SLC6A6: variants seen among roughly 807,000 people sequenced by gnomAD.
SLC6A6 encodes the protein solute carrier family 6 member 6, also known as sodium- and chloride-dependent taurine transporter.
Under a neutral mutation model 68.8 loss-of-function variants are expected in SLC6A6, and 16 were observed. The ratio of observed to expected loss-of-function variants is 0.23; its 90% CI spans 0.16 to 0.35. SLC6A6 has a LOEUF of 0.35. SLC6A6 is among the 10% of genes least tolerant of loss of function. SLC6A6 has a pLI of 1.00. For synonymous variants in SLC6A6, 312 were observed against 315.4 expected, an observed-to-expected ratio of 0.99 and a Z score of 0.12; for missense variants, 474 against 802.8, an observed-to-expected ratio of 0.59 and a Z score of 4.95.
At position 14,485,227 on chromosome 3, in the gene SLC6A6, GAA is replaced by G; in HGVS notation, c.*223_*224del. On this transcript the variant is annotated 3_prime_UTR_variant, in exon 15 of 15. Transcript: ENST00000622186. ...ATTTGGGGGATATTTTGTACAAAAA[GAA>G]AACCCACGGGAAGATGTCCGTGGAG... is the stretch of plus-strand genomic sequence containing the variant. 1 of 394,582 alleles carries G rather than the reference GAA, an allele frequency of 2.5e-6. No individual in the cohort carries two copies. Among genetic ancestry groups the G allele is most frequent in the Non-Finnish European group, 4.5e-6 (1 of 222,262 alleles). 24.4% of individuals were successfully genotyped at this position (394,582 alleles called of 1,614,324 possible).
intron 2 of SLC6A6, among the ~76,000 whole-genome samples, chr3:14,422,266 C>T (rs917561004): frequency 1.3e-5 from 2 of 152,246 alleles, no homozygotes; most frequent in Admixed American, 6.5e-5. Flanking sequence ...CCCAAATGCC[C>T]GCAGGGACCC....
rs761230581 is a variant in SLC6A6 at position 14,457,934 on chromosome 3, CTG to C, written c.600-12_600-11del. 162 of 1,613,774 alleles carry C rather than the reference CTG, an allele frequency of 1.0e-4. No homozygotes were observed. The highest frequency in any genetic ancestry group is 1.3e-4 in the Non-Finnish European group (156 of 1,179,944). On this transcript the variant is annotated splice_polypyrimidine_tract_variant and intron_variant, in intron 5 of 14. Transcript: ENST00000622186. ...CCAGGCCCCTCACTGACTCCTGGCT[CTG>C]TGTTTGCTTCAAGGCGCAACGTGCT...
At position 14,465,302 on chromosome 3, in the gene SLC6A6, C is replaced by T. The variant is rs867276997; in HGVS notation, c.733-1214C>T. Among the ~76,000 whole-genome samples the T allele has an allele frequency of 2.0e-5, 3 of 152,348 alleles. 1 individual carries two copies. The highest frequency in any genetic ancestry group is 6.5e-5 in the Admixed American group (1 of 15,310). ...AGGAGATGGCCACATCGTTTCTAGT[C>T]CCCACCTCACACCTGATCTTGGCCT... On this transcript the variant is annotated intron_variant, in intron 6 of 14. Transcript: ENST00000622186.
chr3:14,433,083 AGTGCTGTGAAGGTGGGACG>A (rs1699765890), intron 2 of SLC6A6, among the ~76,000 whole-genome samples: 3 of 8,400 alleles, frequency 3.6e-4, no homozygotes, highest in African/African-American at 1.6e-3. Flanking sequence ...TCTAGTCGTT[AGTGCTGTGAAGGTGGGACG>A]TTAGTGCTGT....
chr3:14,479,048 C>A, intron 12 of SLC6A6, 37 bp from the exon 13 acceptor site: 1 of 1,401,410 alleles, frequency 7.1e-7, no homozygotes. Flanking sequence ...TGGCCTTGAA[C>A]GCTGTGTCAG....
rs1700672448 is a variant in SLC6A6, at chr3:14,468,396, C to T, written c.1096+184C>T. Among the ~76,000 whole-genome samples the T allele has an allele frequency of 1.6e-5, 1 of 62,344 alleles. No individual in the cohort carries two copies. Among genetic ancestry groups the T allele is most frequent in the African/African-American group, 7.4e-5 (1 of 13,528 alleles). 40.9% of individuals were successfully genotyped at this position (62,344 alleles called of 152,430 possible). ...AAAGAGTACAAAGCCAAATTTTAAA[C>T]ATTTGTATTGCAATTTGGCCCTGAT... is the stretch of plus-strand genomic sequence containing the variant. On this transcript the variant is annotated intron_variant, in intron 9 of 14. Transcript: ENST00000622186. This position sits in a 1 kb window ranked among gnomAD's most constrained non-coding sequence, Gnocchi z 4.5.
At chr3:14,465,337 A>G (rs1404811973) in intron 6 of SLC6A6, among the ~76,000 whole-genome samples, 1 of 152,214 alleles carries the variant, frequency 6.6e-6, no homozygotes, top group Non-Finnish European at 1.5e-5. Context: ...TGTCTGGAAC[A>G]TGCAGTGTGA....
rs561969773 is a variant in SLC6A6, at chr3:14,447,260, C to G, written c.365-322C>G. Among the ~76,000 whole-genome samples, 15 of 152,038 alleles carry G rather than the reference C, an allele frequency of 9.9e-5. No individual in the cohort carries two copies. The South Asian group carries it at 2.9e-3, about 30-fold the overall frequency. ...TCCATCCATCCATCCATCCATCCAT[C>G]CATCCAAACATCCAACCATCCAACC... On this transcript the variant is annotated intron_variant, in intron 4 of 14. Transcript: ENST00000622186.
rs564786357 is a variant in SLC6A6, at chr3:14,442,594, G to A, written c.-11-1030G>A. ...AGACGGCCACACTGGGTGTGACTGT[G>A]GCCCTCAGGGTCGAGCTGACAGGGT... On this transcript the variant is annotated intron_variant, in intron 2 of 14. Coordinates refer to ENST00000622186, the MANE Select transcript of SLC6A6 (RefSeq NM_003043.6). 1.1e-4 allele frequency among the ~76,000 whole-genome samples: 16 copies of A among 152,332 alleles called. No homozygotes were observed. In the South Asian group the frequency reaches 3.3e-3, roughly 32 times the overall value.
chr3:14,415,863 C>T (rs1393142125), intron 1 of SLC6A6, among the ~76,000 whole-genome samples: 1 of 152,200 alleles, frequency 6.6e-6, no homozygotes, highest in African/African-American at 2.4e-5. Flanking sequence ...TGAGGCCCCT[C>T]ACTCTGGCCC....
chr3:14,468,143 G>A lies in SLC6A6; in HGVS notation c.1027G>A (p.Ala343Thr), dbSNP rs1440959522. Residue 343 changes from alanine (A) to threonine (T), a missense_variant, in exon 9 of 15, where the codon GCA (alanine) becomes ACA (threonine). Physicochemically the swap from Ala to Thr is moderately conservative, Grantham distance 58. This residue lies in a region of SLC6A6 where 280 missense variants were observed against 533.1 expected (regional missense o/e 0.53). Transcript: ENST00000622186. This position sits in a 1 kb window ranked among gnomAD's most constrained non-coding sequence, Gnocchi z 4.5. ...TGGTACCAGTTTTGTGTCTGGCTTC[G>A]CAATTTTTTCCATCCTGGGCTTCAT... Reference protein sequence around the residue: ...NSGTSFVSGFAIFSILGFMAQ... With the variant: ...NSGTSFVSGFTIFSILGFMAQ... 4 of 1,613,934 alleles carry A rather than the reference G, an allele frequency of 2.5e-6. No individual in the cohort carries two copies. The highest frequency in any genetic ancestry group is 1.3e-5 in the African/African-American group (1 of 74,872).
intron 2 of SLC6A6, among the ~76,000 whole-genome samples, chr3:14,439,913 T>G (rs1029301854): frequency 7.2e-5 from 11 of 152,090 alleles, no homozygotes; most frequent in Non-Finnish European, 1.2e-4. Context: ...TACATCACGG[T>G]CACTGTTACT....
In SLC6A6 at chr3:14,468,440, G is replaced by A. The variant is rs894539544; in HGVS notation, c.1096+228G>A. Among the ~76,000 whole-genome samples the A allele has an allele frequency of 6.6e-6, 1 of 151,898 alleles. No individual in the cohort carries two copies. The highest frequency in any genetic ancestry group is 1.5e-5 in the Non-Finnish European group (1 of 67,984). Reference sequence around the variant, plus strand: ...CCCTGATGGGTGGCAAAAGCATGGGGGGTGGTTAAGTTGGGGAATTTTTAG... The same window carrying A: ...CCCTGATGGGTGGCAAAAGCATGGGAGGTGGTTAAGTTGGGGAATTTTTAG... On this transcript the variant is annotated intron_variant, in intron 9 of 14. Transcript: ENST00000622186. This position sits in a 1 kb window ranked among gnomAD's most constrained non-coding sequence, Gnocchi z 4.5.
At chr3:14,455,866 C>G (rs993618003) in intron 5 of SLC6A6, among the ~76,000 whole-genome samples, 2 of 152,264 alleles carry the variant, frequency 1.3e-5, no homozygotes, top group Non-Finnish European at 2.9e-5. Context: ...ATAGGGATGC[C>G]CCCTGCCCCA....
chr3:14,458,749 C>G (rs891367283), intron 6 of SLC6A6, among the ~76,000 whole-genome samples: 2 of 152,170 alleles, frequency 1.3e-5, no homozygotes, highest in East Asian at 3.8e-4. Flanking sequence ...GTTAGTTGTT[C>G]AGGAAAGCGT....
chr3:14,472,332 T>C lies in SLC6A6; in HGVS notation c.1209+15T>C, dbSNP rs1314583826. The C allele has an allele frequency of 6.7e-7, 1 of 1,500,320 alleles. No homozygotes were observed. The highest frequency in any genetic ancestry group is 1.4e-5 in the African/African-American group (1 of 72,672). The allele number at this position is 1,500,320 out of a possible 1,614,324, so 92.9% of individuals were successfully genotyped here. A position where few individuals can be genotyped will look rare whatever the true frequency, so the allele number is the denominator to read the frequency against. On this transcript the variant is annotated intron_variant, in intron 10 of 14. Coordinates refer to ENST00000622186, the MANE Select transcript of SLC6A6 (RefSeq NM_003043.6). The surrounding 1 kb of genome is among the most constrained non-coding windows in gnomAD (Gnocchi z 4.5). ...TGGATAGCCAGGTGCGTATAAGGGA[T>C]GGCCCTGGGGCGACTGCCCCTGTGG...
chr3:14,443,646 G>T lies in SLC6A6; in HGVS notation c.12G>T (p.Lys4Asn). The change falls in exon 3 of 15, where the codon AAG becomes AAT. Residue 4 changes from lysine to asparagine, a missense_variant. Transcript: ENST00000622186. MAT[K>N]EKLQCLKDFH... ...TAGAAAGCAAGGAGATGGCCACCAA[G>T]GAGAAGCTGCAGTGTCTGAAAGATT... 1 of 1,610,608 alleles carries T rather than the reference G, an allele frequency of 6.2e-7. No individual in the cohort carries two copies. Among genetic ancestry groups the T allele is most frequent in the Non-Finnish European group, 8.5e-7 (1 of 1,177,180 alleles).
chr3:14,468,345 C>G lies in SLC6A6; in HGVS notation c.1096+133C>G, dbSNP rs1028889772. ...TGGTTTCTAAAATGGACCCCCCCCCCGCCACCAAGATATCCCCCAAATTTC... is the reference window on the plus strand; with the variant it reads ...TGGTTTCTAAAATGGACCCCCCCCCGGCCACCAAGATATCCCCCAAATTTC... On this transcript the variant is annotated intron_variant, in intron 9 of 14. Coordinates refer to ENST00000622186, the MANE Select transcript of SLC6A6 (RefSeq NM_003043.6). The surrounding 1 kb of genome is among the most constrained non-coding windows in gnomAD (Gnocchi z 4.5). 4.2e-5 allele frequency: 30 copies of G among 719,438 alleles called. No individual in the cohort carries two copies. Among genetic ancestry groups the G allele is most frequent in the South Asian group, 2.3e-4 (10 of 42,866 alleles). 44.6% of individuals were successfully genotyped at this position (719,438 alleles called of 1,614,324 possible).
chr3:14,479,190 G>A lies in SLC6A6; in HGVS notation c.1551+5G>A. The A allele has an allele frequency of 6.3e-7, 1 of 1,588,150 alleles. No homozygotes were observed. The highest frequency in any genetic ancestry group is 1.7e-5 in the Admixed American group (1 of 59,990). On this transcript the variant is annotated splice_donor_5th_base_variant and intron_variant, in intron 13 of 14. Transcript: ENST00000622186. ...ATCACTCCAGTTCTCTGTGTTGTGA[G>A]TTCCATTTCTGTGGCTCTGGCTGGT...
Sources: gnomAD v4.1 joint callset for allele counts (sites outside exome capture counted in the v4.1 genomes callset) on GRCh38, gnomAD v4.1.1 for gene constraint, gnomAD v4.1.1 regional missense constraint, Gnocchi (gnomAD v3.1) non-coding constraint, MANE v1.5 for transcripts, NCBI Gene and HGNC (gene_info 2026-07-23, HGNC 2026-07-21) for gene names.